Variants in KMT2C observed in about 807,000 individuals in gnomAD.
KMT2C encodes lysine methyltransferase 2C, also known as histone-lysine N-methyltransferase 2C.
A neutral mutation model predicts 507.9 loss-of-function variants in KMT2C; 88 were observed. The observed-to-expected ratio is 0.17, with a 90% confidence interval of 0.15 to 0.21. The LOEUF (loss-of-function observed/expected upper bound fraction) is 0.21. Ranked by LOEUF, KMT2C falls within the 10% of genes least tolerant of loss-of-function variation. The probability of loss-of-function intolerance (pLI) is 1.00; values close to 1 mark genes in which losing one functional copy is unlikely to be tolerated. For missense variants in KMT2C, 4,954 were observed against 5,957.8 expected (o/e 0.83, Z 5.55); for synonymous variants, 2,049 against 2,080.8 (o/e 0.98, Z 0.42).
chr7:152,214,732 C>G (rs1212660870), intron 23 of KMT2C, among the ~76,000 whole-genome samples: 1 of 151,076 alleles, frequency 6.6e-6, no homozygotes. Context: ...ACTTAATAAG[C>G]AGAATGGTAG....
intron 23 of KMT2C, among the ~76,000 whole-genome samples, chr7:152,213,574 ATAGAT>A (rs1329179157): frequency 3.3e-5 from 5 of 152,160 alleles, no homozygotes; most frequent in Non-Finnish European, 5.9e-5. Flanking sequence ...GCAACTCAAA[ATAGAT>A]TAAATACCTA....
At chr7:152,311,256 G>A (rs1332830249) in intron 5 of KMT2C, among the ~76,000 whole-genome samples, 1 of 152,002 alleles carries the variant, frequency 6.6e-6, no homozygotes, top group Non-Finnish European at 1.5e-5. Context: ...GTGAGAGCAC[G>A]TATCAATGAT....
chr7:152,217,448 C>T (rs1413832115), intron 23 of KMT2C, among the ~76,000 whole-genome samples: 2 of 152,096 alleles, frequency 1.3e-5, no homozygotes, highest in Non-Finnish European at 2.9e-5. Flanking sequence ...CTTATTTTAT[C>T]CCTAGGAATG....
At chr7:152,341,954 A>G (rs1042236898) in intron 2 of KMT2C, among the ~76,000 whole-genome samples, 4 of 152,318 alleles carry the variant, frequency 2.6e-5, no homozygotes, top group African/African-American at 9.6e-5. Context: ...AAATAAAGGC[A>G]TATGTAGGGT....
At position 152,252,529 on chromosome 7, in the gene KMT2C, A is replaced by T. The variant is rs781682228; in HGVS notation, c.1469+17T>A. ...AACAATCGACAAAACAACTGAATAG[A>T]ATAACTATCTTCTTACCTTTTGCAC... is the stretch of plus-strand genomic sequence containing the variant. On this transcript the variant is annotated intron_variant, in intron 10 of 58. Coordinates refer to ENST00000262189, the MANE Select transcript of KMT2C (RefSeq NM_170606.3). The T allele has an allele frequency of 6.2e-7, 1 of 1,601,096 alleles. No individual in the cohort carries two copies. The highest frequency in any genetic ancestry group is 8.5e-7 in the Non-Finnish European group (1 of 1,169,814).
In KMT2C at chr7:152,139,734, T is replaced by C. The variant is rs2090307456; in HGVS notation, c.14401A>G (p.Ile4801Val). ...IEKHTMVIEYIGTIIRNEVAN... is the reference protein window; with the variant it reads ...IEKHTMVIEYVGTIIRNEVAN... ...ACTTCGTTTCGAATGATAGTCCCGA[T>C]GTACTCAATGACCATGGTGTGTTTC... Residue 4801 changes from isoleucine to valine, a missense_variant, in exon 56 of 59, where the codon ATC (isoleucine) becomes GTC (valine). Ile to Val is a conservative substitution (Grantham distance 29). This residue lies in a region of KMT2C where 133 missense variants were observed against 258.9 expected (regional missense o/e 0.51). Transcript: ENST00000262189. The C allele has an allele frequency of 6.2e-7, 1 of 1,614,134 alleles. No homozygotes were observed. Among genetic ancestry groups the C allele is most frequent in the South Asian group, 1.1e-5 (1 of 91,082 alleles).
intron 17 of KMT2C, 60 bp downstream of exon 17, chr7:152,230,160 A>T (rs1185039626): frequency 1.8e-6 from 2 of 1,084,464 alleles, no homozygotes; most frequent in African/African-American, 1.6e-5. Context: ...TATATGAGAT[A>T]AAGCAGAAAT....
intron 4 of KMT2C, 160 bp from the exon 5 acceptor site, chr7:152,312,106 T>A (rs1417531559): frequency 6.4e-6 from 3 of 468,148 alleles, no homozygotes; most frequent in African/African-American, 2.0e-5. Flanking sequence ...TTATCCATGG[T>A]ATAATATTAA....
Position 152,149,142 on chromosome 7 carries a change from G to A in KMT2C, c.12785C>T (p.Pro4262Leu), listed in dbSNP as rs2129095745. 6.9e-7 allele frequency: 1 copy of A among 1,455,062 alleles called. No individual in the cohort carries two copies. Among genetic ancestry groups the A allele is most frequent in the Non-Finnish European group, 9.1e-7 (1 of 1,104,658 alleles). The allele number at this position is 1,455,062 out of a possible 1,614,324, so 90.1% of individuals were successfully genotyped here. A position where few individuals can be genotyped will look rare whatever the true frequency, so the allele number is the denominator to read the frequency against. ...AKNSENKESIPSLPQSPMRET... is the reference protein window; with the variant it reads ...AKNSENKESILSLPQSPMRET... ...TCTCATAGGTGATTGTGGCAATGAA[G>A]GAATGGATTCCTGGGCAACATAAAG... is the stretch of plus-strand genomic sequence containing the variant. The change falls in exon 52 of 59, where the codon CCT (proline) becomes CTT (leucine). Residue 4262 changes from proline (P) to leucine (L), a missense_variant. By Grantham distance (98) the Pro-to-Leu change is moderately conservative. Around this residue, in one of 29 missense-constraint regions of KMT2C, gnomAD observed 417 missense variants for 461.1 expected, o/e 0.90. Coordinates refer to ENST00000262189, the MANE Select transcript of KMT2C (RefSeq NM_170606.3).
At chr7:152,359,755 A>G (rs953478449) in intron 1 of KMT2C, among the ~76,000 whole-genome samples, 1 of 152,050 alleles carries the variant, frequency 6.6e-6, no homozygotes, top group Non-Finnish European at 1.5e-5. Context: ...AAACATTTAA[A>G]AAGTGAAAAA....
chr7:152,253,146 C>T (rs563841657), intron 9 of KMT2C, among the ~76,000 whole-genome samples: 3 of 152,046 alleles, frequency 2.0e-5, no homozygotes, highest in Admixed American at 1.3e-4. Context: ...TGAGCCACTG[C>T]GCCTGGCCTT....
chr7:152,251,067 C>A, intron 11 of KMT2C, 101 bp from the exon 12 acceptor site: 1 of 642,774 alleles, frequency 1.6e-6, no homozygotes, highest in Non-Finnish European at 2.7e-6. Context: ...AAATCATCAC[C>A]AAAAATGCTT....
intron 6 of KMT2C, among the ~76,000 whole-genome samples, chr7:152,302,102 A>C (rs1461195929): frequency 6.6e-6 from 1 of 152,238 alleles, no homozygotes; most frequent in Non-Finnish European, 1.5e-5. Flanking sequence ...TTTTACACAA[A>C]GACATCTGGC....
intron 40 of KMT2C, 74 bp from the exon 41 acceptor site, chr7:152,169,323 G>C: frequency 1.4e-5 from 11 of 794,660 alleles, no homozygotes; most frequent in Non-Finnish European, 8.4e-6. Flanking sequence ...TTAAAAGAAA[G>C]AAAGAAAAAA....
rs1323931123 is a variant in KMT2C, at chr7:152,435,735, G to T, written c.52C>A (p.Pro18Thr). The part of the protein sequence containing the change: ...SVEQPQPPPP[P>T]PEEPGAPAPS... The stretch of plus-strand genomic sequence containing the variant: ...GCCGGGGCTCCAGGCTCCTCGGGGG[G>T]TGGTGGCGGCGGCTGCGGCTGCTCC... Residue 18 changes from proline (P) to threonine (T), a missense_variant, in exon 1 of 59, where the codon CCC (proline) becomes ACC (threonine). This residue lies in a region of KMT2C where 51 missense variants were observed against 43.5 expected (regional missense o/e 1.17). Coordinates refer to ENST00000262189, the MANE Select transcript of KMT2C (RefSeq NM_170606.3). 2.0e-6 allele frequency: 3 copies of T among 1,528,596 alleles called. No individual in the cohort carries two copies. The highest frequency in any genetic ancestry group is 2.6e-6 in the Non-Finnish European group (3 of 1,137,328). 94.7% of individuals were successfully genotyped at this position (1,528,596 alleles called of 1,614,324 possible). A position where few individuals can be genotyped will look rare whatever the true frequency, so the allele number is the denominator to read the frequency against.
At chr7:152,256,793 A>T (rs2095668804) in intron 9 of KMT2C, among the ~76,000 whole-genome samples, 1 of 152,094 alleles carries the variant, frequency 6.6e-6, no homozygotes, top group Admixed American at 6.5e-5. Flanking sequence ...AACAAAAATT[A>T]AAACTACATT....
At chr7:152,251,011 T>G (rs2095554659) in intron 11 of KMT2C, 45 bp from the exon 12 acceptor site, 1 of 1,065,244 alleles carries the variant, frequency 9.4e-7, no homozygotes, top group Non-Finnish European at 1.4e-6. Flanking sequence ...TGAGTTTTTT[T>G]CTTTGTTCAT....
In KMT2C at chr7:152,136,887, T is replaced by G. The variant is rs1254588381; in HGVS notation, c.14681A>C (p.Gln4894Pro). 1 of 1,613,600 alleles carries G rather than the reference T, an allele frequency of 6.2e-7. No homozygotes were observed. The highest frequency in any genetic ancestry group is 1.7e-5 in the Admixed American group (1 of 60,030). The change falls in exon 59 of 59, where the codon CAG (glutamine) becomes CCG (proline). Residue 4894 changes from glutamine (Q) to proline (P), a missense_variant. Physicochemically the swap from Gln to Pro is moderately conservative, Grantham distance 76. This residue lies in a region of KMT2C where 133 missense variants were observed against 258.9 expected (regional missense o/e 0.51). Coordinates refer to ENST00000262189, the MANE Select transcript of KMT2C (RefSeq NM_170606.3). ...YDYKFDFEDD[Q>P]HKIPCHCGAV... ...TCCACAGTGACACGGAATCTTGTGC[T>G]GGTCATCTTCAAAGTCAAACTTATA...
chr7:152,206,320 G>A (rs911241110), intron 24 of KMT2C, among the ~76,000 whole-genome samples: 2 of 151,998 alleles, frequency 1.3e-5, no homozygotes, highest in Non-Finnish European at 1.5e-5. Context: ...CAAGTTCCTG[G>A]AAGAAATCTG....
Sources: gnomAD v4.1 joint callset for allele counts (sites outside exome capture counted in the v4.1 genomes callset) on GRCh38, gnomAD v4.1.1 for gene constraint, gnomAD v4.1.1 regional missense constraint, MANE v1.5 for transcripts, NCBI Gene and HGNC (gene_info 2026-07-23, HGNC 2026-07-21) for gene names.